PWWP4: variants seen among roughly 807,000 people sequenced by gnomAD.
The protein encoded by PWWP4 is putative PWWP domain-containing DNA repair factor 4.
the PWWP4 span, among the ~76,000 whole-genome samples, chrX:153,266,414 GGT>G: frequency 1.1e-3 from 111 of 96,798 alleles, no homozygotes; most frequent in Admixed American, 1.9e-3. Flanking sequence ...TGTGTTTGGG[GGT>G]GTGTGTGTGG....
the PWWP4 span, among the ~76,000 whole-genome samples, chrX:153,266,312 T>A: frequency 9.8e-6 from 1 of 101,625 alleles, no homozygotes; most frequent in Non-Finnish European, 2.0e-5. Context: ...TCTGTGTGTG[T>A]GTGTGTGACG....
the PWWP4 span, among the ~76,000 whole-genome samples, chrX:153,266,444 T>C: frequency 2.1e-5 from 2 of 96,087 alleles, no homozygotes; most frequent in Non-Finnish European, 4.1e-5. Context: ...TGGATGCGTG[T>C]GCATGTGTGT....
chrX:153,272,444 G>T (rs1188081011), exon 1 of PWWP4, among the ~76,000 whole-genome samples: 8 of 104,615 alleles, frequency 7.6e-5, no homozygotes, highest in African/African-American at 2.8e-4. Flanking sequence ...GGCTCCCTGT[G>T]CGGGGACAGG....
upstream of PWWP4, among the ~76,000 whole-genome samples, chrX:153,270,233 G>GAGAGAGAGC (rs2051802404): frequency 1.0e-5 from 1 of 97,403 alleles, no homozygotes; most frequent in African/African-American, 3.9e-5. Flanking sequence ...AGAGAGAGAG[G>GAGAGAGAGC]AGAGAGAGAG....
At chrX:153,269,253 G>A (rs1171753615), upstream of PWWP4, among the ~76,000 whole-genome samples, 1 of 12,775 alleles carries the variant, frequency 7.8e-5, no homozygotes, top group Non-Finnish European at 1.3e-4. Context: ...ATTTGGGGAT[G>A]TGGGTAGGCA....
At chrX:153,271,347 C>T (rs1389159519), upstream of PWWP4, among the ~76,000 whole-genome samples, 7 of 109,232 alleles carry the variant, frequency 6.4e-5, no homozygotes, top group Non-Finnish European at 1.1e-4. Context: ...CAGGGTGCTT[C>T]GCGTTTCACG....
At chrX:153,266,388 T>C in the PWWP4 span, among the ~76,000 whole-genome samples, 608 of 99,938 alleles carry the variant, frequency 6.1e-3, 12 homozygotes, top group African/African-American at 0.022. Context: ...TGTGCGCGCG[T>C]GTGTGTGGAT....
chrX:153,271,384 G>A (rs1425597046), upstream of PWWP4, among the ~76,000 whole-genome samples: 1 of 108,768 alleles, frequency 9.2e-6, no homozygotes, highest in Non-Finnish European at 1.9e-5. Context: ...ATACATTTCC[G>A]CTCTCCCTTT....
At chrX:153,266,859 T>A (rs1305069392), upstream of PWWP4, among the ~76,000 whole-genome samples, 2 of 61,964 alleles carry the variant, frequency 3.2e-5, no homozygotes, top group Non-Finnish European at 5.7e-5. Context: ...CCGGGACTCA[T>A]GCTGGGCTCA....
the PWWP4 span, among the ~76,000 whole-genome samples, chrX:153,266,220 G>C: frequency 4.5e-5 from 4 of 89,248 alleles, no homozygotes; most frequent in East Asian, 2.3e-3. Context: ...CTGTAGGAAC[G>C]TCAAGACTAG....
exon 1 of PWWP4, among the ~76,000 whole-genome samples, chrX:153,272,677 G>A (rs1556952542): frequency 1.8e-5 from 2 of 112,639 alleles, no homozygotes; most frequent in South Asian, 6.9e-4. Context: ...CAAGTCATGG[G>A]TGTGCAGGGC....
At chrX:153,271,586 G>A (rs1346630396), upstream of PWWP4, among the ~76,000 whole-genome samples, 9 of 107,351 alleles carry the variant, frequency 8.4e-5, no homozygotes. Flanking sequence ...CAGACCCCTC[G>A]GCCTCCCTTA....
chrX:153,270,032 A>G (rs2051801271), upstream of PWWP4, among the ~76,000 whole-genome samples: 7 of 107,236 alleles, frequency 6.5e-5, no homozygotes, highest in Admixed American at 7.3e-4. Flanking sequence ...CTGTGACGTG[A>G]TGTCCTTTCA....
At chrX:153,276,398 C>T (rs1256920268) in exon 1 of PWWP4, among the ~76,000 whole-genome samples, 22 of 84,082 alleles carry the variant, frequency 2.6e-4, no homozygotes, top group Non-Finnish European at 3.8e-4. Flanking sequence ...GATTCCCTGA[C>T]GCTTTCGCGG....
chrX:153,266,503 A>G, the PWWP4 span, among the ~76,000 whole-genome samples: 1 of 94,951 alleles, frequency 1.1e-5, no homozygotes, highest in African/African-American at 4.1e-5. Context: ...GTGTGTGAGG[A>G]TGTGTGTGTG....
chrX:153,269,146 CGTGTGTGT>C (rs782450017), upstream of PWWP4, among the ~76,000 whole-genome samples: 23 of 36,995 alleles, frequency 6.2e-4, no homozygotes, highest in African/African-American at 1.3e-3. Context: ...GAGTTTCCAA[CGTGTGTGT>C]GTGTGTGTGT....
the PWWP4 span, among the ~76,000 whole-genome samples, chrX:153,266,483 G>A: frequency 1.0e-5 from 1 of 100,322 alleles, no homozygotes; most frequent in Non-Finnish European, 2.0e-5. Flanking sequence ...ATGTGTGTGT[G>A]AGGATGTGTG....
At chrX:153,266,521 G>A in the PWWP4 span, among the ~76,000 whole-genome samples, 1 of 107,642 alleles carries the variant, frequency 9.3e-6, no homozygotes, top group African/African-American at 3.5e-5. Flanking sequence ...GTGTTTGGGG[G>A]TGTGTGTATG....
exon 1 of PWWP4, among the ~76,000 whole-genome samples, chrX:153,272,220 A>C: frequency 9.1e-6 from 1 of 110,247 alleles, no homozygotes; most frequent in African/African-American, 3.3e-5. Context: ...CTACTCCAGG[A>C]GCCATGCTCA....
Sources: gnomAD v4.1 joint callset for allele counts (sites outside exome capture counted in the v4.1 genomes callset) on GRCh38, gnomAD v4.1.1 for gene constraint, MANE v1.5 for transcripts, NCBI Gene and HGNC (gene_info 2026-07-23, HGNC 2026-07-21) for gene names.